CNTN5: variants seen among roughly 807,000 people sequenced by gnomAD.
CNTN5 encodes the protein contactin 5, also known as contactin-5.
A neutral mutation model predicts 129.1 loss-of-function variants in CNTN5; 77 were observed. The ratio of observed to expected loss-of-function variants is 0.60; its 90% CI spans 0.50 to 0.72. The LOEUF (loss-of-function observed/expected upper bound fraction) is 0.72. CNTN5 is among the 30% of genes least tolerant of loss of function. The pLI is 0.00. For missense variants in CNTN5, 1,478 were observed against 1,328.8 expected (o/e 1.11, Z -1.75); for synonymous variants, 509 against 465.6 (o/e 1.09, Z -1.20).
Position 99,079,957 on chromosome 11 carries a change from C to G in CNTN5, c.-210+58687C>G, listed in dbSNP as rs2135278010. ...CCTTTATTTATATCTGTTTTCTCTT[C>G]TATCCTTGAACTATGTGTGGACAGG... On this transcript the variant is annotated intron_variant, in intron 1 of 24. Transcript: ENST00000524871. 2.0e-5 allele frequency among the ~76,000 whole-genome samples: 3 copies of G among 152,296 alleles called. No individual in the cohort carries two copies. In the Middle Eastern group the frequency reaches 0.01, roughly 518 times the overall value.
chr11:100,113,728 A>G (rs1325155184), intron 13 of CNTN5, among the ~76,000 whole-genome samples: 1 of 152,070 alleles, frequency 6.6e-6, no homozygotes, highest in African/African-American at 2.4e-5. Context: ...CCTATAGTCA[A>G]TACAATTTCT....
chr11:99,591,166 C>A (rs1949967056), intron 3 of CNTN5, among the ~76,000 whole-genome samples: 1 of 151,764 alleles, frequency 6.6e-6, no homozygotes, highest in African/African-American at 2.4e-5. Context: ...TATCTTAGGC[C>A]CGTGTATCTT....
chr11:100,303,689 CAA>C, intron 20 of CNTN5, among the ~76,000 whole-genome samples: 1 of 151,620 alleles, frequency 6.6e-6, no homozygotes, highest in East Asian at 1.9e-4. Flanking sequence ...ATATAATAGA[CAA>C]TTATCTCATT....
chr11:99,254,332 C>T (rs548314047), intron 1 of CNTN5, among the ~76,000 whole-genome samples: 4 of 151,880 alleles, frequency 2.6e-5, no homozygotes, highest in South Asian at 4.1e-4. Flanking sequence ...ATTGCTTTCA[C>T]GAAATAGGGT....
intron 1 of CNTN5, among the ~76,000 whole-genome samples, chr11:99,042,285 G>A (rs1864015064): frequency 6.6e-6 from 1 of 150,828 alleles, no homozygotes; most frequent in South Asian, 2.1e-4. Flanking sequence ...GGGTTGATGG[G>A]TGCAGCAAAC....
chr11:100,036,608 T>C (rs1269574326), intron 9 of CNTN5, among the ~76,000 whole-genome samples: 5 of 149,470 alleles, frequency 3.3e-5, no homozygotes, highest in African/African-American at 9.8e-5. Flanking sequence ...GAGCAAGGAA[T>C]GTTCTTCCAT....
intron 2 of CNTN5, among the ~76,000 whole-genome samples, chr11:99,415,379 G>A (rs1470213988): frequency 1.3e-5 from 2 of 152,162 alleles, no homozygotes; most frequent in Admixed American, 1.3e-4. Flanking sequence ...AGCAAGGCTT[G>A]TCTGTTCAGC....
intron 1 of CNTN5, among the ~76,000 whole-genome samples, chr11:99,101,838 C>A (rs181744380): frequency 6.6e-6 from 1 of 152,136 alleles, no homozygotes; most frequent in Non-Finnish European, 1.5e-5. Context: ...TGCTGGAGGA[C>A]GGTGGCCCTT....
At chr11:99,997,931 A>G (rs1939566754) in intron 8 of CNTN5, among the ~76,000 whole-genome samples, 1 of 152,168 alleles carries the variant, frequency 6.6e-6, no homozygotes, top group Non-Finnish European at 1.5e-5. Flanking sequence ...TAGATACAGA[A>G]AAGGCCTTTG....
chr11:99,731,486 T>A (rs1045447999), intron 3 of CNTN5, among the ~76,000 whole-genome samples: 1 of 152,236 alleles, frequency 6.6e-6, no homozygotes, highest in Non-Finnish European at 1.5e-5. Flanking sequence ...TGGCATGTTA[T>A]CAAAATGCAA....
intron 1 of CNTN5, among the ~76,000 whole-genome samples, chr11:99,139,940 C>T (rs527397094): frequency 2.0e-5 from 3 of 152,108 alleles, no homozygotes; most frequent in African/African-American, 7.2e-5. Context: ...AACCTCAGAT[C>T]GATATTAAGT....
At chr11:99,865,960 T>C (rs935438839) in intron 6 of CNTN5, among the ~76,000 whole-genome samples, 1 of 152,088 alleles carries the variant, frequency 6.6e-6, no homozygotes, top group Non-Finnish European at 1.5e-5. Flanking sequence ...TGTTGTTATT[T>C]ATATTTTTTA....
chr11:99,077,083 T>A (rs139696488), intron 1 of CNTN5, among the ~76,000 whole-genome samples: 1,606 of 151,990 alleles, frequency 0.011, 17 homozygotes, highest in Non-Finnish European at 0.014. Flanking sequence ...AGCAGTTGCA[T>A]TTTATGACAG....
At chr11:99,923,192 T>A (rs184768102) in intron 7 of CNTN5, among the ~76,000 whole-genome samples, 1 of 152,324 alleles carries the variant, frequency 6.6e-6, no homozygotes, top group East Asian at 1.9e-4. Flanking sequence ...TCCCAAGAGA[T>A]CAATATTAAT....
intron 3 of CNTN5, among the ~76,000 whole-genome samples, chr11:99,790,447 T>A (rs1945699661): frequency 6.6e-6 from 1 of 152,078 alleles, no homozygotes; most frequent in South Asian, 2.1e-4. Flanking sequence ...CCAGCATTAG[T>A]TGGCTTAGGA....
chr11:99,617,733 A>G (rs1461535616), intron 3 of CNTN5, among the ~76,000 whole-genome samples: 1 of 152,168 alleles, frequency 6.6e-6, no homozygotes, highest in Non-Finnish European at 1.5e-5. Flanking sequence ...AAGACAAACC[A>G]AAAGGAAGTA....
chr11:100,076,239 A>G (rs1020520551), intron 13 of CNTN5, among the ~76,000 whole-genome samples: 2 of 152,130 alleles, frequency 1.3e-5, no homozygotes, highest in African/African-American at 4.8e-5. Context: ...TAAAATATAT[A>G]TGCCTTATCT....
chr11:99,100,599 C>A (rs1263686411), intron 1 of CNTN5, among the ~76,000 whole-genome samples: 1 of 151,876 alleles, frequency 6.6e-6, no homozygotes, highest in African/African-American at 2.4e-5. Context: ...GTCTTAGGGG[C>A]TGAAGCAAAT....
rs572644224 is a variant in CNTN5 at position 99,971,992 on chromosome 11, G to A, written c.877+14983G>A. On this transcript the variant is annotated intron_variant, in intron 8 of 24. Transcript: ENST00000524871. Reference sequence around the variant, plus strand: ...CGGGTGGGAGCGGTGGCTCACGCCTGTAATCCCAGCACTTTGGGAGGCTGA... The same window carrying A: ...CGGGTGGGAGCGGTGGCTCACGCCTATAATCCCAGCACTTTGGGAGGCTGA... Among the ~76,000 whole-genome samples, 284 of 147,716 alleles carry A rather than the reference G, an allele frequency of 1.9e-3. 4 individuals are homozygous for A. Among genetic ancestry groups the A allele is most frequent in the African/African-American group, 6.8e-3 (274 of 40,232 alleles).
Sources: allele counts gnomAD v4.1 joint callset (sites outside exome capture counted in the v4.1 genomes callset), GRCh38; gene constraint gnomAD v4.1.1; transcripts MANE v1.5; gene names NCBI Gene and HGNC (gene_info 2026-07-23, HGNC 2026-07-21).